Variants in COPG2 observed in about 807,000 individuals in gnomAD.
The protein encoded by COPG2 is coat protein complex I subunit gamma 2.
In COPG2, 37 loss-of-function variants were observed where a neutral mutation model predicts 46.3. The ratio of observed to expected loss-of-function variants is 0.80; its 90% CI spans 0.61 to 1.05. The LOEUF (loss-of-function observed/expected upper bound fraction) is 1.05, where lower values mean the gene tolerates loss of function less well. Among genes scored for constraint, COPG2 ranks in the 50% least tolerant of loss-of-function variants. COPG2 has a pLI of 0.00. For missense variants in COPG2, 427 were observed against 387.8 expected, an observed-to-expected ratio of 1.10 and a Z score of -0.85; for synonymous variants, 159 against 129.7, an observed-to-expected ratio of 1.23 and a Z score of -1.53.
intron 5 of COPG2, among the ~76,000 whole-genome samples, chr7:130,623,107 G>A (rs896309687): frequency 9.9e-5 from 15 of 152,152 alleles, no homozygotes. Context: ...GCTGCCTGTG[G>A]TTGCCAACGT....
intron 20 of COPG2, among the ~76,000 whole-genome samples, chr7:130,512,219 A>G (rs1342719038): frequency 1.3e-5 from 2 of 151,784 alleles, no homozygotes; most frequent in Non-Finnish European, 2.9e-5. Context: ...TTGTTAATAC[A>G]CAACTCTCCT....
At chr7:130,603,933 TTTATG>T (rs1425167838) in intron 9 of COPG2, 1 of 478,232 alleles carries the variant, frequency 2.1e-6, no homozygotes, top group Non-Finnish European at 4.2e-6. Context: ...ATTAACACGT[TTTATG>T]TTATATGTAA....
In COPG2 at chr7:130,612,142, A is replaced by G. The variant is rs540323859; in HGVS notation, c.579+10T>C. ...TCCTGAGACAAGCTAATGTGATTCAATGACAATACCTGGACCATAATATTA... is the reference window on the plus strand; with the variant it reads ...TCCTGAGACAAGCTAATGTGATTCAGTGACAATACCTGGACCATAATATTA... On this transcript the variant is annotated intron_variant, in intron 8 of 23. Coordinates refer to ENST00000425248, the MANE Select transcript of COPG2 (RefSeq NM_012133.6). 6.9e-6 allele frequency: 11 copies of G among 1,586,170 alleles called. No individual in the cohort carries two copies. The highest frequency in any genetic ancestry group is 9.5e-6 in the Non-Finnish European group (11 of 1,156,378).
rs184109272 is a variant in COPG2, at chr7:130,585,837, G to A, written c.738-21444C>T. Among the ~76,000 whole-genome samples the A allele has an allele frequency of 3.0e-4, 45 of 152,136 alleles. No individual in the cohort carries two copies. The East Asian group carries it at 6.8e-3, about 23-fold the overall frequency. ...AAACAGTACATGTTGGCATGGATGCGGTGAACAGGGAATACTTCTACACTG... is the reference window on the plus strand; with the variant it reads ...AAACAGTACATGTTGGCATGGATGCAGTGAACAGGGAATACTTCTACACTG... On this transcript the variant is annotated intron_variant, in intron 9 of 23. Transcript: ENST00000425248.
At chr7:130,520,869 TTATTA>T (rs1799718103) in intron 20 of COPG2, among the ~76,000 whole-genome samples, 1 of 152,234 alleles carries the variant, frequency 6.6e-6, no homozygotes, top group Non-Finnish European at 1.5e-5. Context: ...ATTATAGTCT[TTATTA>T]TAGTAGGAGA....
In COPG2 at chr7:130,662,136, T is replaced by C. The variant is rs576545067; in HGVS notation, c.243+831A>G. Among the ~76,000 whole-genome samples the C allele has an allele frequency of 5.2e-4, 79 of 152,278 alleles. 1 individual carries two copies. The highest frequency in any genetic ancestry group is 1.7e-3 in the African/African-American group (70 of 41,564). ...GTAGAAGCATCAGTCCTTTATCCCA[T>C]ATGTGAGGAAATTAGTCTTCCTTTG... On this transcript the variant is annotated intron_variant, in intron 4 of 23. Coordinates refer to ENST00000425248, the MANE Select transcript of COPG2 (RefSeq NM_012133.6).
rs1799829193 is a variant in COPG2 at position 130,531,841 on chromosome 7, G to A, written c.2149+15833C>T. ...CAGCAGTGATTCTTATCTGGGATGG[G>A]GGGGTGGGTTTCACCCGAGGGAGGG... On this transcript the variant is annotated intron_variant, in intron 20 of 23. Coordinates refer to ENST00000425248, the MANE Select transcript of COPG2 (RefSeq NM_012133.6). 2.0e-5 allele frequency among the ~76,000 whole-genome samples: 3 copies of A among 152,144 alleles called. 1 individual carries two copies. Among genetic ancestry groups the A allele is most frequent in the South Asian group, 4.2e-4 (2 of 4,814 alleles).
chr7:130,615,923 A>AT (rs1794941812), intron 6 of COPG2, among the ~76,000 whole-genome samples: 1 of 152,170 alleles, frequency 6.6e-6, no homozygotes, highest in Admixed American at 6.5e-5. Context: ...CACTCCTTAG[A>AT]TCCCCCTTAG....
intron 14 of COPG2, among the ~76,000 whole-genome samples, chr7:130,554,119 G>C (rs1242083328): frequency 1.3e-5 from 2 of 152,112 alleles, no homozygotes; most frequent in Admixed American, 1.3e-4. Flanking sequence ...ATCTTTAATG[G>C]GAGAGATTTG....
At chr7:130,643,769 T>C (rs1204940953) in intron 5 of COPG2, among the ~76,000 whole-genome samples, 4 of 151,976 alleles carry the variant, frequency 2.6e-5, no homozygotes, top group Non-Finnish European at 4.4e-5. Context: ...CAAGACCAGA[T>C]AGGCAACATA....
chr7:130,560,952 T>C (rs1384422427), intron 12 of COPG2, 81 bp downstream of exon 12: 2 of 397,774 alleles, frequency 5.0e-6, no homozygotes, highest in Admixed American at 4.4e-5. Flanking sequence ...TTAAAACTTC[T>C]GCTTCTCAAA....
At chr7:130,637,943 C>T (rs1327563993) in intron 5 of COPG2, among the ~76,000 whole-genome samples, 1 of 152,136 alleles carries the variant, frequency 6.6e-6, no homozygotes, top group Non-Finnish European at 1.5e-5. Context: ...GATGCTATTC[C>T]TTTCTGTTTG....
intron 20 of COPG2, among the ~76,000 whole-genome samples, chr7:130,517,425 G>A (rs1174891755): frequency 3.3e-5 from 5 of 152,310 alleles, no homozygotes; most frequent in Admixed American, 3.3e-4. Context: ...GAGCTTCGGG[G>A]ACCCAGGCAG....
chr7:130,647,015 ATATATATATGTGTATATATATATT>A (rs1795623707), intron 5 of COPG2, among the ~76,000 whole-genome samples: 1 of 17,268 alleles, frequency 5.8e-5, no homozygotes, highest in Non-Finnish European at 9.7e-5. Context: ...ATATATGTAT[ATATATATATGTGTATATATATATT>A]TATTTATTTA....
chr7:130,601,441 A>C (rs921360820), intron 9 of COPG2, among the ~76,000 whole-genome samples: 1 of 152,246 alleles, frequency 6.6e-6, no homozygotes, highest in Non-Finnish European at 1.5e-5. Context: ...AGACTGGGTA[A>C]AGATAATGTG....
chr7:130,634,246 A>G (rs922402655), intron 5 of COPG2, among the ~76,000 whole-genome samples: 2 of 152,110 alleles, frequency 1.3e-5, no homozygotes, highest in Non-Finnish European at 2.9e-5. Flanking sequence ...GTTTTTTTCT[A>G]ATTATGTGAA....
chr7:130,589,058 T>A (rs963507187), intron 9 of COPG2, among the ~76,000 whole-genome samples: 11 of 152,084 alleles, frequency 7.2e-5, no homozygotes, highest in Non-Finnish European at 1.6e-4. Flanking sequence ...GAAACAATAA[T>A]TAATTCCTGA....
At chr7:130,649,442 C>G (rs1019966537) in intron 5 of COPG2, among the ~76,000 whole-genome samples, 1 of 152,190 alleles carries the variant, frequency 6.6e-6, no homozygotes, top group African/African-American at 2.4e-5. Context: ...TAGGCCATAA[C>G]TTCAACACTT....
chr7:130,659,357 A>AAAAAAAAAAAAAC (rs1445778752), intron 4 of COPG2, among the ~76,000 whole-genome samples: 1 of 146,662 alleles, frequency 6.8e-6, no homozygotes, highest in African/African-American at 2.6e-5. Context: ...TCCGTCTCAA[A>AAAAAAAAAAAAAC]AAAAAAAAAA....
Sources: gnomAD v4.1 joint callset for allele counts (sites outside exome capture counted in the v4.1 genomes callset) on GRCh38, gnomAD v4.1.1 for gene constraint, MANE v1.5 for transcripts, NCBI Gene and HGNC (gene_info 2026-07-23, HGNC 2026-07-21) for gene names.